RNF145: variants seen among roughly 807,000 people sequenced by gnomAD.
The protein encoded by RNF145 is ring finger protein 145.
RNF145 carries 12 observed loss-of-function variants against 57.3 expected under a neutral mutation model. The observed-to-expected ratio is 0.21, with a 90% CI of 0.13 to 0.34. The LOEUF (loss-of-function observed/expected upper bound fraction) is 0.34. RNF145 is among the 10% of genes least tolerant of loss of function. RNF145 has a pLI of 1.00. For missense variants in RNF145, 429 were observed against 799.0 expected, an observed-to-expected ratio of 0.54 and a Z score of 5.58; for synonymous variants, 262 against 288.3, an observed-to-expected ratio of 0.91 and a Z score of 0.92.
chr5:159,183,257 G>A (rs1197884172), intron 3 of RNF145, among the ~76,000 whole-genome samples: 3 of 152,150 alleles, frequency 2.0e-5, no homozygotes, highest in Admixed American at 6.5e-5. Flanking sequence ...AAGAATTATT[G>A]TAATGCAGTG....
rs781096805 is a variant in RNF145, at chr5:159,157,653, AAT to A, written c.*1015_*1016del. Reference sequence around the variant, plus strand: ...TAGCCATGATGAATGTAAAAATTTAAATATGACACATCCTTGTCAAAGAAAAG... The same window carrying A: ...TAGCCATGATGAATGTAAAAATTTAAATGACACATCCTTGTCAAAGAAAAG... On this transcript the variant is annotated 3_prime_UTR_variant, in exon 11 of 11. Transcript: ENST00000424310. The A allele has an allele frequency of 6.5e-6, 1 of 152,766 alleles. No homozygotes were observed. Among genetic ancestry groups the A allele is most frequent in the Non-Finnish European group, 1.5e-5 (1 of 68,046 alleles). The allele number at this position is 152,766 out of a possible 1,614,324, so 9.5% of individuals were successfully genotyped here. A position where few individuals can be genotyped will look rare whatever the true frequency, so the allele number is the denominator to read the frequency against.
At chr5:159,208,155 G>T in intron 1 of RNF145, 3 of 1,412,702 alleles carry the variant, frequency 2.1e-6, no homozygotes, top group Non-Finnish European at 2.8e-6. Context: ...TCTCAGATGC[G>T]TTTGAACTAC....
Position 159,176,735 on chromosome 5 carries a change from T to C in RNF145, c.518A>G (p.Lys173Arg). The change falls in exon 5 of 11, where the codon AAA becomes AGA. Residue 173 changes from lysine (K) to arginine (R), a missense_variant. Coordinates refer to ENST00000424310, the MANE Select transcript of RNF145 (RefSeq NM_001199383.2). ...CAATCCAGTAAAAATCATAGCAAAT[T>C]TATTGATGATAACAATTGTCTCCAA... is the stretch of plus-strand genomic sequence containing the variant. ...VPLETIVIIN[K>R]FAMIFTGLEV... The C allele has an allele frequency of 6.2e-7, 1 of 1,612,092 alleles. No individual in the cohort carries two copies. The highest frequency in any genetic ancestry group is 1.1e-5 in the South Asian group (1 of 91,012).
chr5:159,159,059 C>T, intron 10 of RNF145, 24 bp from the exon 11 acceptor site: 2 of 1,586,124 alleles, frequency 1.3e-6, no homozygotes, highest in South Asian at 1.1e-5. Flanking sequence ...AAAAAAGATA[C>T]CTTATAAATG....
rs761745085 is a variant in RNF145 at position 159,174,038 on chromosome 5, T to C, written c.742A>G (p.Ser248Gly). The stretch of plus-strand genomic sequence containing the variant: ...CGTGATGCAGGCTGATCTCGAGTAC[T>C]GAAATAGGAGTAAATCTGAAGAGCA... The part of the protein sequence containing the change: ...LFALQIYSYF[S>G]TRDQPASRER... The change falls in exon 6 of 11, where the codon AGT (serine) becomes GGT (glycine). Residue 248 changes from serine (S) to glycine (G), a missense_variant. This residue lies in a region of RNF145 where 216 missense variants were observed against 457.6 expected (regional missense o/e 0.47). Transcript: ENST00000424310. The C allele has an allele frequency of 6.2e-7, 1 of 1,613,470 alleles. No individual in the cohort carries two copies. Among genetic ancestry groups the C allele is most frequent in the East Asian group, 2.2e-5 (1 of 44,868 alleles).
intron 5 of RNF145, among the ~76,000 whole-genome samples, chr5:159,175,208 A>C (rs1419951525): frequency 6.6e-6 from 1 of 152,192 alleles, no homozygotes; most frequent in Non-Finnish European, 1.5e-5. Flanking sequence ...AAGAAAAAGG[A>C]AACTGCCCAA....
Position 159,165,722 on chromosome 5 carries a change from A to T in RNF145, c.1122-2643T>A, listed in dbSNP as rs1198269079. 2.1e-3 allele frequency among the ~76,000 whole-genome samples: 15 copies of T among 6,982 alleles called. 5 individuals carry two copies. The African/African-American group carries it at 0.056, about 26-fold the overall frequency. 4.6% of individuals were successfully genotyped at this position (6,982 alleles called of 152,430 possible). A position where few individuals can be genotyped will look rare whatever the true frequency, so the allele number is the denominator to read the frequency against. On this transcript the variant is annotated intron_variant, in intron 8 of 10. Coordinates refer to ENST00000424310, the MANE Select transcript of RNF145 (RefSeq NM_001199383.2). ...AAAAAAAAAAAAAAAAAAAAAAAAA[A>T]AAAAAAAAAAATAATAATATCCTAC...
At chr5:159,195,587 C>T (rs1785432280) in intron 2 of RNF145, among the ~76,000 whole-genome samples, 1 of 152,294 alleles carries the variant, frequency 6.6e-6, no homozygotes, top group South Asian at 2.1e-4. Context: ...CAACGACCAT[C>T]AAAACGTTGT....
chr5:159,170,946 T>C (rs1784530121), intron 6 of RNF145, among the ~76,000 whole-genome samples: 2 of 152,342 alleles, frequency 1.3e-5, no homozygotes, highest in Admixed American at 6.5e-5. Flanking sequence ...TTCACTGATA[T>C]AGATGAGGAA....
At chr5:159,189,913 G>C (rs1257215167) in intron 3 of RNF145, among the ~76,000 whole-genome samples, 1 of 152,204 alleles carries the variant, frequency 6.6e-6, no homozygotes, top group Non-Finnish European at 1.5e-5. Context: ...GGCAGGGAGG[G>C]TGGTGGGAAA....
At chr5:159,197,720 T>C (rs754359805) in intron 2 of RNF145, among the ~76,000 whole-genome samples, 3 of 152,224 alleles carry the variant, frequency 2.0e-5, no homozygotes, top group Non-Finnish European at 4.4e-5. Flanking sequence ...ACAAACTAAG[T>C]TGACAATGGC....
At chr5:159,202,738 T>C (rs1358051951) in intron 2 of RNF145, among the ~76,000 whole-genome samples, 1 of 152,208 alleles carries the variant, frequency 6.6e-6, no homozygotes, top group Non-Finnish European at 1.5e-5. Flanking sequence ...TATATTGCTA[T>C]ATACATTACA....
At chr5:159,164,463 A>G (rs987444489) in intron 8 of RNF145, among the ~76,000 whole-genome samples, 1 of 152,224 alleles carries the variant, frequency 6.6e-6, no homozygotes, top group Admixed American at 6.5e-5. Context: ...TTATAAACAC[A>G]CATGCATAGA....
intron 3 of RNF145, among the ~76,000 whole-genome samples, chr5:159,192,563 T>C (rs757171349): frequency 3.9e-5 from 6 of 152,158 alleles, no homozygotes; most frequent in Non-Finnish European, 7.3e-5. Context: ...TTTTTAAAGA[T>C]TAACAATGAG....
At chr5:159,187,475 C>T (rs1466787781) in intron 3 of RNF145, among the ~76,000 whole-genome samples, 2 of 151,798 alleles carry the variant, frequency 1.3e-5, no homozygotes, top group African/African-American at 4.8e-5. Context: ...TTATAGGTGC[C>T]TGCCACCATG....
intron 3 of RNF145, among the ~76,000 whole-genome samples, chr5:159,185,101 T>C (rs554069129): frequency 1.3e-5 from 2 of 152,306 alleles, no homozygotes; most frequent in East Asian, 3.9e-4. Flanking sequence ...TCAAAATTAG[T>C]ATCATCCCTA....
At chr5:159,196,410 C>T (rs1230603133) in intron 2 of RNF145, among the ~76,000 whole-genome samples, 1 of 152,150 alleles carries the variant, frequency 6.6e-6, no homozygotes, top group Non-Finnish European at 1.5e-5. Context: ...CTTGACAATT[C>T]TCCTGCTCTA....
intron 6 of RNF145, among the ~76,000 whole-genome samples, chr5:159,170,913 A>G (rs1449401907): frequency 1.3e-5 from 2 of 152,202 alleles, no homozygotes; most frequent in East Asian, 1.9e-4. Flanking sequence ...CTACATCTTA[A>G]GCTTTAATTT....
chr5:159,175,261 C>T (rs1052604026), intron 5 of RNF145, among the ~76,000 whole-genome samples: 1 of 152,054 alleles, frequency 6.6e-6, no homozygotes, highest in Non-Finnish European at 1.5e-5. Flanking sequence ...CATTACGAGG[C>T]AGAGAATATT....
Sources: allele counts gnomAD v4.1 joint callset (sites outside exome capture counted in the v4.1 genomes callset), GRCh38; gene constraint gnomAD v4.1.1; regional missense constraint gnomAD v4.1.1; transcripts MANE v1.5; gene names NCBI Gene and HGNC (gene_info 2026-07-23, HGNC 2026-07-21).